The following ANKH variants were observed in gnomAD, a reference collection of about 807,000 sequenced individuals.
ANKH encodes ANKH inorganic pyrophosphate transport regulator.
Under a neutral mutation model 49.0 loss-of-function variants are expected in ANKH, and 15 were observed. That is an observed-to-expected ratio of 0.31 (90% CI 0.20 to 0.47). ANKH has a LOEUF of 0.47. ANKH is among the 20% of genes least tolerant of loss of function. The pLI is 1.00. For missense variants in ANKH, 429 were observed against 652.0 expected (o/e 0.66, Z 3.72); for synonymous variants, 273 against 260.0 (o/e 1.05, Z -0.48).
rs2086402025 is a variant in ANKH at position 14,796,439 on chromosome 5, T to G, written c.97-27248A>C. Among the ~76,000 whole-genome samples the G allele has an allele frequency of 5.2e-5, 7 of 135,666 alleles. No homozygotes were observed. The South Asian group carries it at 1.8e-3, about 35-fold the overall frequency. 89.0% of individuals were successfully genotyped at this position (135,666 alleles called of 152,430 possible). A position where few individuals can be genotyped will look rare whatever the true frequency, so the allele number is the denominator to read the frequency against. ...GGTAAAAACATACATCTTTACAACT[T>G]GGCGGTCCCAAGTTAAAAAAAAAAA... is the stretch of plus-strand genomic sequence containing the variant. On this transcript the variant is annotated intron_variant, in intron 1 of 11. Coordinates refer to ENST00000284268, the MANE Select transcript of ANKH (RefSeq NM_054027.6).
intron 8 of ANKH, among the ~76,000 whole-genome samples, chr5:14,734,755 C>T (rs1302790784): frequency 6.6e-6 from 1 of 152,166 alleles, no homozygotes; most frequent in African/African-American, 2.4e-5. Flanking sequence ...GTGGGCCCCA[C>T]GTGGGTTCTT....
chr5:14,813,635 C>A (rs1740950192), intron 1 of ANKH, among the ~76,000 whole-genome samples: 1 of 152,142 alleles, frequency 6.6e-6, no homozygotes, highest in Non-Finnish European at 1.5e-5. Context: ...TACTGTAGCC[C>A]CTGCCCACGG....
chr5:14,726,598 C>T (rs970709736), intron 8 of ANKH, among the ~76,000 whole-genome samples: 6 of 152,128 alleles, frequency 3.9e-5, no homozygotes, highest in Admixed American at 6.5e-5. Flanking sequence ...CCTGTCCTCA[C>T]GGTGGTTTCC....
intron 1 of ANKH, among the ~76,000 whole-genome samples, chr5:14,820,412 T>C (rs976041534): frequency 1.3e-4 from 20 of 152,276 alleles, no homozygotes; most frequent in African/African-American, 4.8e-4. Flanking sequence ...TTTGGGACTA[T>C]TGCAATAGGG....
In ANKH at chr5:14,860,100, G is replaced by A. The variant is rs1207926810; in HGVS notation, c.96+11252C>T. 3.9e-5 allele frequency among the ~76,000 whole-genome samples: 6 copies of A among 152,356 alleles called. No individual in the cohort carries two copies. The East Asian group carries it at 7.7e-4, about 20-fold the overall frequency. On this transcript the variant is annotated intron_variant, in intron 1 of 11. Coordinates refer to ENST00000284268, the MANE Select transcript of ANKH (RefSeq NM_054027.6). ...GCCGCAGGTGGTGGAATGCCTCTGC[G>A]TGGGGGTACAAATGAGGTACAACCA...
intron 8 of ANKH, among the ~76,000 whole-genome samples, chr5:14,722,487 C>T (rs545125543): frequency 3.3e-5 from 5 of 152,194 alleles, no homozygotes; most frequent in African/African-American, 9.6e-5. Context: ...CAAGATGATT[C>T]GCTTGGAGCA....
intron 1 of ANKH, among the ~76,000 whole-genome samples, chr5:14,856,720 T>C (rs1453973945): frequency 1.3e-5 from 2 of 152,192 alleles, no homozygotes; most frequent in Non-Finnish European, 2.9e-5. Context: ...GTTTTCTCTT[T>C]GATTTTCCCT....
At position 14,870,762 on chromosome 5, in the gene ANKH, A is replaced by T. The variant is rs1735790087; in HGVS notation, c.96+590T>A. ...TCCCCTTCTTTAGTGGTCCATGAAA[A>T]AAAAAAAAGAAAGAAAGAAAGAAAG... On this transcript the variant is annotated intron_variant, in intron 1 of 11. Transcript: ENST00000284268. 4 of 161,124 alleles carry T rather than the reference A, an allele frequency of 2.5e-5. No individual in the cohort carries two copies. The East Asian group carries it at 5.6e-4, about 23-fold the overall frequency. The allele number at this position is 161,124 out of a possible 1,614,324, so 10.0% of individuals were successfully genotyped here. A position where few individuals can be genotyped will look rare whatever the true frequency, so the allele number is the denominator to read the frequency against.
At chr5:14,835,960 A>C (rs2126604064) in intron 1 of ANKH, among the ~76,000 whole-genome samples, 1 of 152,360 alleles carries the variant, frequency 6.6e-6, no homozygotes, top group Admixed American at 6.5e-5. Flanking sequence ...AGGCTGGTTC[A>C]ACATATGCAA....
chr5:14,718,081 G>C (rs888386160), intron 8 of ANKH, among the ~76,000 whole-genome samples: 2 of 152,156 alleles, frequency 1.3e-5, no homozygotes, highest in African/African-American at 4.8e-5. Flanking sequence ...TGAGGAATCT[G>C]ACCAGCCCAA....
Position 14,770,516 on chromosome 5 carries a change from G to C in ANKH, c.97-1325C>G. Among the ~76,000 whole-genome samples, 1 of 152,044 alleles carries C rather than the reference G, an allele frequency of 6.6e-6. No homozygotes were observed. Among genetic ancestry groups the C allele is most frequent in the East Asian group, 1.9e-4 (1 of 5,202 alleles). ...GATTAACAACAATAATAATCAAACA[G>C]AATAATTATTAACAATATATTATAA... On this transcript the variant is annotated intron_variant, in intron 1 of 11. Coordinates refer to ENST00000284268, the MANE Select transcript of ANKH (RefSeq NM_054027.6). This position sits in a 1 kb window ranked among gnomAD's most constrained non-coding sequence, Gnocchi z 4.1.
intron 1 of ANKH, among the ~76,000 whole-genome samples, chr5:14,796,442 C>T (rs1320966318): frequency 3.7e-5 from 4 of 108,888 alleles, no homozygotes; most frequent in African/African-American, 1.1e-4. Flanking sequence ...TACAACTTGG[C>T]GGTCCCAAGT....
chr5:14,841,304 G>GTT (rs35405736), intron 1 of ANKH, among the ~76,000 whole-genome samples: 8 of 144,726 alleles, frequency 5.5e-5, no homozygotes, highest in East Asian at 4.0e-4. Flanking sequence ...CATTTATTTT[G>GTT]TTTTTTTTTT....
intron 1 of ANKH, among the ~76,000 whole-genome samples, chr5:14,862,246 CA>C (rs1735516576): frequency 6.6e-6 from 1 of 151,906 alleles, no homozygotes; most frequent in African/African-American, 2.4e-5. Flanking sequence ...AACAAACAAA[CA>C]AAAAAAGAGC....
chr5:14,866,115 T>A (rs1237281979), intron 1 of ANKH, among the ~76,000 whole-genome samples: 1 of 152,216 alleles, frequency 6.6e-6, no homozygotes, highest in Non-Finnish European at 1.5e-5. Flanking sequence ...CAAAAGATTC[T>A]CCTGCCTCAG....
chr5:14,771,100 G>A (rs896626420), intron 1 of ANKH, among the ~76,000 whole-genome samples: 1 of 152,170 alleles, frequency 6.6e-6, no homozygotes, highest in Admixed American at 6.5e-5. Context: ...TTGCTATACT[G>A]GGTAGAGCTA....
chr5:14,746,097 A>G (rs1738528167), intron 6 of ANKH, 135 bp from the exon 7 acceptor site: 2 of 739,008 alleles, frequency 2.7e-6, no homozygotes, highest in Admixed American at 4.0e-5. Flanking sequence ...GACAAACATC[A>G]GGCAAGCACA....
intron 2 of ANKH, among the ~76,000 whole-genome samples, chr5:14,765,136 T>C (rs1037151836): frequency 2.0e-5 from 3 of 152,234 alleles, no homozygotes; most frequent in Non-Finnish European, 4.4e-5. Context: ...GTTTTTGTTT[T>C]GTAACTTAAT....
chr5:14,722,105 G>A (rs367931675), intron 8 of ANKH, among the ~76,000 whole-genome samples: 16 of 152,204 alleles, frequency 1.1e-4, no homozygotes, highest in East Asian at 7.7e-4. Flanking sequence ...AAGTTCCCTT[G>A]ACAAAGAGTA....
Sources: gnomAD v4.1 joint callset for allele counts (sites outside exome capture counted in the v4.1 genomes callset) on GRCh38, gnomAD v4.1.1 for gene constraint, Gnocchi (gnomAD v3.1) non-coding constraint, MANE v1.5 for transcripts, NCBI Gene and HGNC (gene_info 2026-07-23, HGNC 2026-07-21) for gene names.